The following EMILIN1 variants were observed in gnomAD, a reference collection of about 807,000 sequenced individuals.
EMILIN1 encodes the protein EMILIN-1.
EMILIN1 carries 49 observed loss-of-function variants against 82.4 expected under a neutral mutation model. That is an observed-to-expected ratio of 0.59 (90% confidence interval 0.47 to 0.75). EMILIN1 has a LOEUF of 0.75. Ranked by LOEUF, EMILIN1 falls within the 30% of genes least tolerant of loss-of-function variation. The pLI, the probability that EMILIN1 is intolerant of heterozygous loss-of-function variation, is 0.00. For missense variants in EMILIN1, 1,313 were observed against 1,366.4 expected (o/e 0.96, Z 0.62); for synonymous variants, 604 against 602.2 (o/e 1.00, Z -0.04).
In EMILIN1 at chr2:27,080,687, G is replaced by T; in HGVS notation, c.291-45G>T. 3 of 1,521,720 alleles carry T rather than the reference G, an allele frequency of 2.0e-6. No individual in the cohort carries two copies. The South Asian group carries it at 3.6e-5, about 18-fold the overall frequency. 94.3% of individuals were successfully genotyped at this position (1,521,720 alleles called of 1,614,324 possible). A position where few individuals can be genotyped will look rare whatever the true frequency, so the allele number is the denominator to read the frequency against. On this transcript the variant is annotated intron_variant, in intron 2 of 7. Coordinates refer to ENST00000380320, the MANE Select transcript of EMILIN1 (RefSeq NM_007046.4). ...CCTGAGGACAGGGACCAGGGTCACT[G>T]ACCGTACAGGGAGGAATAAAGAGGC...
At position 27,083,636 on chromosome 2, in the gene EMILIN1, A is replaced by G; in HGVS notation, c.2065A>G (p.Ile689Val). The G allele has an allele frequency of 6.2e-7, 1 of 1,612,350 alleles. No individual in the cohort carries two copies. Among genetic ancestry groups the G allele is most frequent in the Non-Finnish European group, 8.5e-7 (1 of 1,178,598 alleles). The change falls in exon 4 of 8, where the codon ATT becomes GTT. Residue 689 changes from isoleucine (I) to valine (V), a missense_variant. Coordinates refer to ENST00000380320, the MANE Select transcript of EMILIN1 (RefSeq NM_007046.4). ...AACCAAGGACCGTATCATTTCTGAG[A>G]TTAACAGGCTGCAGCAGGAGGCCAC... ...GATKDRIISEINRLQQEATEH... is the reference protein window; with the variant it reads ...GATKDRIISEVNRLQQEATEH...
At chr2:27,085,091 A>G in intron 6 of EMILIN1, 69 bp from the exon 7 acceptor site, 1 of 1,612,816 alleles carries the variant, frequency 6.2e-7, no homozygotes, top group Non-Finnish European at 8.5e-7. Context: ...TGGGCTGGGG[A>G]TCCAGCAGGG....
chr2:27,082,535 C>A lies in EMILIN1; in HGVS notation c.964C>A (p.Arg322=), dbSNP rs575505030. The A allele has an allele frequency of 3.9e-6, 6 of 1,542,484 alleles. No homozygotes were observed. Among genetic ancestry groups the A allele is most frequent in the African/African-American group, 1.4e-5 (1 of 72,922 alleles). Reference sequence around the variant, plus strand: ...CCGGCAGCAGCAGGAGGACAGGGAGCGGCTGCGAGCGATGGAGAAGCTGCT... The same window carrying A: ...CCGGCAGCAGCAGGAGGACAGGGAGAGGCTGCGAGCGATGGAGAAGCTGCT... The part of the protein sequence containing the change: ...FRRQQQEDRE[R]LRAMEKLLAS... The change falls in exon 4 of 8, where the codon CGG becomes AGG. Residue 322 remains arginine (R), a synonymous_variant. Transcript: ENST00000380320.
chr2:27,085,899 G>A lies in EMILIN1; in HGVS notation c.2935G>A (p.Ala979Thr). The A allele has an allele frequency of 4.5e-6, 7 of 1,569,900 alleles. No individual in the cohort carries two copies. Among genetic ancestry groups the A allele is most frequent in the Non-Finnish European group, 6.1e-6 (7 of 1,155,152 alleles). Residue 979 changes from alanine (A) to threonine (T), a missense_variant, in exon 8 of 8, where the codon GCC becomes ACC. Ala to Thr is a moderately conservative substitution (Grantham distance 58). Transcript: ENST00000380320. ...CTTCAGCCTCATCCTGCCGCTGCAG[G>A]CCGGGGACACGGTCTGCGTCGACCT... ...GVFSLILPLQ[A>T]GDTVCVDLVM... is the part of the protein sequence containing the mutation.
Position 27,082,583 on chromosome 2 carries a change from C to G in EMILIN1, c.1012C>G (p.Arg338Gly). ...GCTGGCCTCGGTGGAGGAGCGGCAA[C>G]GGCACCTCGCAGGGCTGGCGGTGGG... ...KLLASVEERQRHLAGLAVGRR... is the reference protein window; with the variant it reads ...KLLASVEERQGHLAGLAVGRR... The change falls in exon 4 of 8, where the codon CGG becomes GGG. Residue 338 changes from arginine to glycine, a missense_variant. Arg to Gly is a moderately radical substitution (Grantham distance 125). Transcript: ENST00000380320. The G allele has an allele frequency of 1.3e-6, 2 of 1,542,390 alleles. No homozygotes were observed. Among genetic ancestry groups the G allele is most frequent in the Non-Finnish European group, 1.7e-6 (2 of 1,145,158 alleles).
chr2:27,080,694 C>A, intron 2 of EMILIN1, 38 bp from the exon 3 acceptor site: 1 of 1,553,156 alleles, frequency 6.4e-7, no homozygotes. Flanking sequence ...ACTGACCGTA[C>A]AGGGAGGAAT....
Position 27,083,924 on chromosome 2 carries a change from G to A in EMILIN1, c.2353G>A (p.Gly785Ser). The change falls in exon 4 of 8, where the codon GGC becomes AGC. Residue 785 changes from glycine (G) to serine (S), a missense_variant. Physicochemically the swap from Gly to Ser is moderately conservative, Grantham distance 56. Coordinates refer to ENST00000380320, the MANE Select transcript of EMILIN1 (RefSeq NM_007046.4). ...GGAGAAGCTGGTCGGGGGACAGGCG[G>A]GCCTGGGCAGGCGGCTGGGTGCCCT... ...LLEKLVGGQA[G>S]LGRRLGALNS... The A allele has an allele frequency of 6.2e-7, 1 of 1,600,888 alleles. No homozygotes were observed.
rs765023976 is a variant in EMILIN1 at position 27,079,219 on chromosome 2, C to A, written c.154C>A (p.Pro52Thr). The A allele has an allele frequency of 2.0e-5, 31 of 1,572,162 alleles. No homozygotes were observed. The highest frequency in any genetic ancestry group is 2.5e-5 in the Non-Finnish European group (29 of 1,165,158). The change falls in exon 1 of 8, where the codon CCA (proline) becomes ACA (threonine). Residue 52 changes from proline (P) to threonine (T), a missense_variant. Pro to Thr is a conservative substitution (Grantham distance 38). Coordinates refer to ENST00000380320, the MANE Select transcript of EMILIN1 (RefSeq NM_007046.4). ...GGPQAQIAPR[P>T]ASRHRNWCAY... ...GCCCCAGGCCCAGATTGCCCCCCGGCCAGCCAGCCGCCACAGGTAAGAGTC... is the reference window on the plus strand; with the variant it reads ...GCCCCAGGCCCAGATTGCCCCCCGGACAGCCAGCCGCCACAGGTAAGAGTC...
At position 27,085,300 on chromosome 2, in the gene EMILIN1, A is replaced by G; in HGVS notation, c.2713+3A>G. On this transcript the variant is annotated splice_donor_region_variant and intron_variant, in intron 7 of 7. Coordinates refer to ENST00000380320, the MANE Select transcript of EMILIN1 (RefSeq NM_007046.4). ...AGGCTATTATGATCCAGAGACAGGT[A>G]GTCCTGGGAGGGGCTGGGTTGAACG... The G allele has an allele frequency of 6.2e-7, 1 of 1,613,928 alleles. No individual in the cohort carries two copies. Among genetic ancestry groups the G allele is most frequent in the Non-Finnish European group, 8.5e-7 (1 of 1,180,000 alleles).
intron 2 of EMILIN1, 150 bp from the exon 3 acceptor site, chr2:27,080,582 C>G: frequency 1.4e-6 from 1 of 697,794 alleles, no homozygotes; most frequent in Non-Finnish European, 2.4e-6. Context: ...TGACAGCTGT[C>G]AGCTAAGCAA....
In EMILIN1 at chr2:27,083,068, C is replaced by G; in HGVS notation, c.1497C>G (p.Ala499=). Residue 499 remains alanine, a synonymous_variant, in exon 4 of 8, where the codon GCC becomes GCG. Coordinates refer to ENST00000380320, the MANE Select transcript of EMILIN1 (RefSeq NM_007046.4). ...QDSQVSEILS[A]LERRVLDSEG... ...CTCAAGTCAGCGAGATCCTCAGTGCCTTGGAGCGCAGGGTGCTGGACAGTG... is the reference window on the plus strand; with the variant it reads ...CTCAAGTCAGCGAGATCCTCAGTGCGTTGGAGCGCAGGGTGCTGGACAGTG... 1 of 1,547,850 alleles carries G rather than the reference C, an allele frequency of 6.5e-7. No homozygotes were observed. Among genetic ancestry groups the G allele is most frequent in the Non-Finnish European group, 8.7e-7 (1 of 1,146,270 alleles).
In EMILIN1 at chr2:27,085,621, T is replaced by TTCTG. The variant is rs1669600160; in HGVS notation, c.2714-56_2714-53dup. The TTCTG allele has an allele frequency of 1.1e-5, 16 of 1,489,718 alleles. No individual in the cohort carries two copies. The Middle Eastern group carries it at 1.8e-3, about 168-fold the overall frequency. The allele number at this position is 1,489,718 out of a possible 1,614,324, so 92.3% of individuals were successfully genotyped here. A position where few individuals can be genotyped will look rare whatever the true frequency, so the allele number is the denominator to read the frequency against. ...AGAGGGTCCCTCCTCAGTCCAGGAG[T>TTCTG]TCTGGTGCGCTCCCCGGAGCTTCCC... is the stretch of plus-strand genomic sequence containing the variant. On this transcript the variant is annotated intron_variant, in intron 7 of 7. Coordinates refer to ENST00000380320, the MANE Select transcript of EMILIN1 (RefSeq NM_007046.4).
At chr2:27,085,414 C>T (rs1477745378) in intron 7 of EMILIN1, 117 bp downstream of exon 7, 1 of 1,295,614 alleles carries the variant, frequency 7.7e-7, no homozygotes, top group African/African-American at 1.5e-5. Flanking sequence ...TTTGGGGAGA[C>T]CCCGGCTCTT....
chr2:27,084,064 C>A, intron 4 of EMILIN1, 53 bp downstream of exon 4: 1 of 1,423,980 alleles, frequency 7.0e-7, no homozygotes, highest in South Asian at 1.6e-5. Context: ...TATTTTTCTT[C>A]TCCCTCCCCC....
intron 2 of EMILIN1, among the ~76,000 whole-genome samples, chr2:27,080,478 TCTCTG>T (rs1669454216): frequency 6.6e-6 from 1 of 152,078 alleles, no homozygotes; most frequent in Non-Finnish European, 1.5e-5. Context: ...CCAGATGCCT[TCTCTG>T]GGATGGCTCA....
chr2:27,085,325 G>A (rs779539933), intron 7 of EMILIN1, 28 bp downstream of exon 7: 17 of 1,613,232 alleles, frequency 1.1e-5, no homozygotes, highest in African/African-American at 1.3e-5. Flanking sequence ...TGGGTTGAAC[G>A]GTTGGAGAAA....
At position 27,086,052 on chromosome 2, in the gene EMILIN1, G is replaced by C; in HGVS notation, c.*37G>C. 1 of 1,378,638 alleles carries C rather than the reference G, an allele frequency of 7.3e-7. No individual in the cohort carries two copies. The allele number at this position is 1,378,638 out of a possible 1,614,324, so 85.4% of individuals were successfully genotyped here. On this transcript the variant is annotated 3_prime_UTR_variant, in exon 8 of 8. Coordinates refer to ENST00000380320, the MANE Select transcript of EMILIN1 (RefSeq NM_007046.4). Reference sequence around the variant, plus strand: ...GCCCGACGTGTCTACGTCGGCTGAAGAGACAGCGGGGGCGGCGGGCTCCTG... The same window carrying C: ...GCCCGACGTGTCTACGTCGGCTGAACAGACAGCGGGGGCGGCGGGCTCCTG...
At chr2:27,081,067 G>A (rs1310770862) in intron 3 of EMILIN1, 115 bp downstream of exon 3, 1 of 756,162 alleles carries the variant, frequency 1.3e-6, no homozygotes, top group South Asian at 1.8e-5. Flanking sequence ...AGAGAGAAGA[G>A]AGGGGCAGAA....
rs773043123 is a variant in EMILIN1, at chr2:27,083,411, G to A, written c.1840G>A (p.Ala614Thr). ...CPLLPPRGPGAGPGVGGPSRG... is the reference protein window; with the variant it reads ...CPLLPPRGPGTGPGVGGPSRG... Reference sequence around the variant, plus strand: ...CCTGTTGCCTCCTCGGGGTCCTGGGGCTGGTCCAGGTGTTGGGGGCCCAAG... The same window carrying A: ...CCTGTTGCCTCCTCGGGGTCCTGGGACTGGTCCAGGTGTTGGGGGCCCAAG... Residue 614 changes from alanine (A) to threonine (T), a missense_variant, in exon 4 of 8, where the codon GCT (alanine) becomes ACT (threonine). Transcript: ENST00000380320. The A allele has an allele frequency of 6.2e-7, 1 of 1,611,962 alleles. No homozygotes were observed. Among genetic ancestry groups the A allele is most frequent in the African/African-American group, 1.3e-5 (1 of 74,938 alleles).
Sources: gnomAD v4.1 joint callset for allele counts (sites outside exome capture counted in the v4.1 genomes callset) on GRCh38, gnomAD v4.1.1 for gene constraint, MANE v1.5 for transcripts, NCBI Gene and HGNC (gene_info 2026-07-23, HGNC 2026-07-21) for gene names.